Variants in SLC15A5 observed in about 807,000 individuals in gnomAD.
SLC15A5 encodes Peptide/histidine transporter ENSP00000340402.
A neutral mutation model predicts 56.1 loss-of-function variants in SLC15A5; 58 were observed. That is an observed-to-expected ratio of 1.03 (90% CI 0.84 to 1.29). The LOEUF (loss-of-function observed/expected upper bound fraction) is 1.29, where lower values mean the gene tolerates loss of function less well. Ranked by LOEUF, SLC15A5 falls within the 50% of genes most tolerant of loss-of-function variation. SLC15A5 has a pLI of 0.00. For missense variants in SLC15A5, 681 were observed against 672.1 expected, an observed-to-expected ratio of 1.01 and a Z score of -0.15; for synonymous variants, 264 against 250.5, an observed-to-expected ratio of 1.05 and a Z score of -0.51.
intron 3 of SLC15A5, among the ~76,000 whole-genome samples, chr12:16,256,631 G>A (rs975552123): frequency 1.2e-4 from 18 of 151,908 alleles, no homozygotes; most frequent in African/African-American, 2.2e-4. Context: ...AGGCTGAGGC[G>A]GACAGATCAC....
At chr12:16,240,976 C>A (rs1864408974) in intron 4 of SLC15A5, among the ~76,000 whole-genome samples, 1 of 152,000 alleles carries the variant, frequency 6.6e-6, no homozygotes, top group Non-Finnish European at 1.5e-5. Context: ...CCACGCCTGG[C>A]TAATTTTTCT....
At chr12:16,258,860 C>G (rs1185604767) in intron 2 of SLC15A5, among the ~76,000 whole-genome samples, 2 of 151,954 alleles carry the variant, frequency 1.3e-5, no homozygotes, top group Admixed American at 1.3e-4. Flanking sequence ...GGAGTGATAT[C>G]CCATAATCTT....
chr12:16,272,665 C>T lies in SLC15A5; in HGVS notation c.480G>A (p.Leu160=). The part of the protein sequence containing the change: ...EQHRLFYVAL[L]TICLGIGGVR... ...CGCCTCCAATGCCAAGGCAAATGGT[C>T]AGCAGTGCTACATAAAACAGCCTGT... The change falls in exon 2 of 9, where the codon CTG becomes CTA. Residue 160 remains leucine, a synonymous_variant. Coordinates refer to ENST00000344941, the MANE Select transcript of SLC15A5 (RefSeq NM_001170798.1). 1 of 1,537,090 alleles carries T rather than the reference C, an allele frequency of 6.5e-7. No homozygotes were observed. The highest frequency in any genetic ancestry group is 8.7e-7 in the Non-Finnish European group (1 of 1,146,748).
chr12:16,222,547 T>G (rs1864198522), intron 6 of SLC15A5, among the ~76,000 whole-genome samples: 1 of 152,156 alleles, frequency 6.6e-6, no homozygotes, highest in Non-Finnish European at 1.5e-5. Flanking sequence ...TTTATGTAGG[T>G]AGTAATGGAA....
At chr12:16,213,522 C>T (rs2136245067) in intron 7 of SLC15A5, among the ~76,000 whole-genome samples, 1 of 152,188 alleles carries the variant, frequency 6.6e-6, no homozygotes, top group East Asian at 1.9e-4. Flanking sequence ...TGGGCACACT[C>T]AGGTTATATC....
At chr12:16,266,653 A>AT (rs1864700247) in intron 2 of SLC15A5, among the ~76,000 whole-genome samples, 1 of 152,198 alleles carries the variant, frequency 6.6e-6, no homozygotes, top group Non-Finnish European at 1.5e-5. Context: ...TATATGTATC[A>AT]TCTATAAAAA....
At chr12:16,217,803 A>G (rs1864144949) in intron 6 of SLC15A5, among the ~76,000 whole-genome samples, 1 of 152,116 alleles carries the variant, frequency 6.6e-6, no homozygotes, top group Non-Finnish European at 1.5e-5. Flanking sequence ...AGAGAGAGAC[A>G]ATAGCTTAAG....
chr12:16,219,781 C>A (rs1049869155), intron 6 of SLC15A5, among the ~76,000 whole-genome samples: 1 of 151,896 alleles, frequency 6.6e-6, no homozygotes, highest in Admixed American at 6.6e-5. Context: ...CGAGATATTT[C>A]TTTTAGCCCA....
Position 16,267,483 on chromosome 12 carries a change from A to T in SLC15A5, c.584+5078T>A, listed in dbSNP as rs1159676345. Among the ~76,000 whole-genome samples the T allele has an allele frequency of 4.3e-5, 5 of 116,210 alleles. 1 individual carries two copies. The Admixed American group carries it at 4.3e-4, about 10-fold the overall frequency. The allele number at this position is 116,210 out of a possible 152,430, so 76.2% of individuals were successfully genotyped here. ...AGAGTTCCTTTTTATCTGTAAATAC[A>T]TATTTTTTTTTCCAGCAGAGCTGTT... is the stretch of plus-strand genomic sequence containing the variant. On this transcript the variant is annotated intron_variant, in intron 2 of 8. Transcript: ENST00000344941.
At chr12:16,213,603 T>C (rs890963908) in intron 7 of SLC15A5, among the ~76,000 whole-genome samples, 6 of 152,188 alleles carry the variant, frequency 3.9e-5, no homozygotes, top group Non-Finnish European at 8.8e-5. Context: ...TATGTTAGAC[T>C]AGTTGAGGTC....
rs1292734740 is a variant in SLC15A5 at position 16,271,577 on chromosome 12, G to A, written c.584+984C>T. 4.9e-5 allele frequency among the ~76,000 whole-genome samples: 2 copies of A among 40,794 alleles called. No individual in the cohort carries two copies. The highest frequency in any genetic ancestry group is 1.7e-4 in the African/African-American group (2 of 11,542). 26.8% of individuals were successfully genotyped at this position (40,794 alleles called of 152,430 possible). On this transcript the variant is annotated intron_variant, in intron 2 of 8. Coordinates refer to ENST00000344941, the MANE Select transcript of SLC15A5 (RefSeq NM_001170798.1). This position sits in a 1 kb window ranked among gnomAD's most constrained non-coding sequence, Gnocchi z 8.0. Reference sequence around the variant, plus strand: ...ATAATTGGAGAAAGAAAAAAGGGGAGCAAGAGAAAGAAAAAGAAAGAAAGA... The same window carrying A: ...ATAATTGGAGAAAGAAAAAAGGGGAACAAGAGAAAGAAAAAGAAAGAAAGA...
intron 2 of SLC15A5, among the ~76,000 whole-genome samples, chr12:16,258,603 A>G (rs553854352): frequency 6.6e-6 from 1 of 152,304 alleles, no homozygotes; most frequent in Admixed American, 6.5e-5. Context: ...TCATTTACAT[A>G]TATAACTTAT....
chr12:16,272,894 A>G (rs1864775429), intron 1 of SLC15A5, 111 bp from the exon 2 acceptor site: 1 of 942,810 alleles, frequency 1.1e-6, no homozygotes, highest in Non-Finnish European at 1.6e-6. Flanking sequence ...TGATTGTCTT[A>G]TCCAAACATT....
At chr12:16,212,793 T>C (rs755416379) in intron 7 of SLC15A5, among the ~76,000 whole-genome samples, 37 of 151,208 alleles carry the variant, frequency 2.4e-4, no homozygotes, top group Non-Finnish European at 1.2e-4. Flanking sequence ...AAGTAAAGAT[T>C]AGTAATTCCC....
intron 7 of SLC15A5, among the ~76,000 whole-genome samples, chr12:16,195,332 T>A (rs1244209319): frequency 6.6e-6 from 1 of 152,084 alleles, no homozygotes; most frequent in Non-Finnish European, 1.5e-5. Flanking sequence ...TGCACTATTT[T>A]ATGAATATTG....
chr12:16,255,024 A>C (rs1350032062), intron 3 of SLC15A5, among the ~76,000 whole-genome samples: 2 of 152,130 alleles, frequency 1.3e-5, no homozygotes, highest in Admixed American at 1.3e-4. Context: ...ATGATGTTTG[A>C]AATGATGGAT....
chr12:16,209,814 T>C (rs1261454554), intron 7 of SLC15A5, among the ~76,000 whole-genome samples: 1 of 152,224 alleles, frequency 6.6e-6, no homozygotes, highest in Non-Finnish European at 1.5e-5. Context: ...AGTTCATTAC[T>C]ATTCCAGACT....
At position 16,232,287 on chromosome 12, in the gene SLC15A5, A is replaced by G. The variant is rs564065755; in HGVS notation, c.1162+7394T>C. ...AGAAATTTCCAAAACAAATAGAGAA[A>G]CAACAAACCAAAAAAGGCAATAACA... On this transcript the variant is annotated intron_variant, in intron 5 of 8. Coordinates refer to ENST00000344941, the MANE Select transcript of SLC15A5 (RefSeq NM_001170798.1). Among the ~76,000 whole-genome samples the G allele has an allele frequency of 2.6e-4, 39 of 152,274 alleles. 1 individual carries two copies. The South Asian group carries it at 7.5e-3, about 29-fold the overall frequency.
At chr12:16,208,157 T>G (rs961525353) in intron 7 of SLC15A5, among the ~76,000 whole-genome samples, 1 of 152,152 alleles carries the variant, frequency 6.6e-6, no homozygotes, top group African/African-American at 2.4e-5. Context: ...TGCATCTGTG[T>G]GCACCTGTGC....
Sources: gnomAD v4.1 joint callset for allele counts (sites outside exome capture counted in the v4.1 genomes callset) on GRCh38, gnomAD v4.1.1 for gene constraint, Gnocchi (gnomAD v3.1) non-coding constraint, MANE v1.5 for transcripts, NCBI Gene and HGNC (gene_info 2026-07-23, HGNC 2026-07-21) for gene names.